The following NRG1 variants were observed in gnomAD, a reference collection of about 807,000 sequenced individuals.
NRG1 encodes pro-neuregulin-1, membrane-bound isoform.
In NRG1, 18 loss-of-function variants were observed where a neutral mutation model predicts 63.8. The ratio of observed to expected loss-of-function variants is 0.28; its 90% CI spans 0.19 to 0.42. The LOEUF (loss-of-function observed/expected upper bound fraction) is 0.42, where lower values mean the gene tolerates loss of function less well. Among genes scored for constraint, NRG1 ranks in the 10% least tolerant of loss-of-function variants. NRG1 has a pLI of 1.00. For missense variants in NRG1, 762 were observed against 814.7 expected (o/e 0.94, Z 0.79); for synonymous variants, 302 against 301.3 (o/e 1.00, Z -0.02).
chr8:32,397,210 A>G (rs981085579), intron 1 of NRG1, among the ~76,000 whole-genome samples: 4 of 152,138 alleles, frequency 2.6e-5, no homozygotes, highest in Non-Finnish European at 5.9e-5. Flanking sequence ...TATTTTCTCT[A>G]TTATTTTAGT....
At chr8:31,826,428 C>T (rs1358827666) in intron 1 of NRG1, among the ~76,000 whole-genome samples, 2 of 152,202 alleles carry the variant, frequency 1.3e-5, no homozygotes, top group Non-Finnish European at 2.9e-5. Flanking sequence ...AGTTCCCCTA[C>T]ACATGCTCCC....
intron 1 of NRG1, among the ~76,000 whole-genome samples, chr8:31,888,551 G>T (rs985511282): frequency 6.6e-6 from 1 of 151,914 alleles, no homozygotes; most frequent in African/African-American, 2.4e-5. Context: ...GTTCAGAATT[G>T]TCTTCTCTTG....
At position 31,839,811 on chromosome 8, in the gene NRG1, C is replaced by T. The variant is rs538283909; in HGVS notation, c.37+200380C>T. Reference sequence around the variant, plus strand: ...CTGCCTCTGGCTAGTCATTTCCACTCGCTGGGCTCAGTCAGGTCTTTCATT... The same window carrying T: ...CTGCCTCTGGCTAGTCATTTCCACTTGCTGGGCTCAGTCAGGTCTTTCATT... On this transcript the variant is annotated intron_variant, in intron 1 of 10. Coordinates refer to the NRG1 transcript ENST00000519301. 1.8e-4 allele frequency among the ~76,000 whole-genome samples: 27 copies of T among 152,250 alleles called. No individual in the cohort carries two copies. In the South Asian group the frequency reaches 5.6e-3, roughly 32 times the overall value.
At chr8:32,109,111 TAA>T (rs953601077) in intron 1 of NRG1, among the ~76,000 whole-genome samples, 3 of 152,156 alleles carry the variant, frequency 2.0e-5, no homozygotes, top group African/African-American at 7.2e-5. Flanking sequence ...GAATTATACT[TAA>T]GTGTCTGCCA....
At chr8:32,077,629 G>A (rs1358103109) in intron 1 of NRG1, among the ~76,000 whole-genome samples, 1 of 152,012 alleles carries the variant, frequency 6.6e-6, no homozygotes, top group Non-Finnish European at 1.5e-5. Flanking sequence ...ATGTAATTAC[G>A]ATAGAAACTG....
At chr8:32,031,541 C>G (rs182284122) in intron 1 of NRG1, among the ~76,000 whole-genome samples, 6 of 152,196 alleles carry the variant, frequency 3.9e-5, no homozygotes, top group Admixed American at 1.3e-4. Flanking sequence ...TCTCTGTGGT[C>G]TATTTTATGG....
At chr8:32,052,046 G>C (rs1355900085) in intron 1 of NRG1, among the ~76,000 whole-genome samples, 1 of 152,076 alleles carries the variant, frequency 6.6e-6, no homozygotes, top group Non-Finnish European at 1.5e-5. Flanking sequence ...AGGAAGAGCA[G>C]TTATTATCAA....
In NRG1 at chr8:32,271,338, A is replaced by C. The variant is rs1322353482; in HGVS notation, c.38-324490A>C. ...AGAGTAAATTATTTAAGAATGATTT[A>C]AGAAATCAAAGTATGAGAACTTGGG... On this transcript the variant is annotated intron_variant, in intron 1 of 10. Transcript: ENST00000519301. Among the ~76,000 whole-genome samples, 6 of 152,322 alleles carry C rather than the reference A, an allele frequency of 3.9e-5. No homozygotes were observed. In the East Asian group the frequency reaches 1.2e-3, roughly 29 times the overall value.
At chr8:31,872,466 T>C (rs1048319583) in intron 1 of NRG1, among the ~76,000 whole-genome samples, 1 of 152,196 alleles carries the variant, frequency 6.6e-6, no homozygotes, top group Non-Finnish European at 1.5e-5. Flanking sequence ...TAAAAGTTTT[T>C]CATTTTCCTG....
intron 1 of NRG1, among the ~76,000 whole-genome samples, chr8:32,257,184 C>T (rs1045238039): frequency 2.0e-4 from 30 of 152,244 alleles, no homozygotes; most frequent in African/African-American, 7.0e-4. Context: ...ATGCTGGCAG[C>T]GAGAATTTCA....
intron 1 of NRG1, among the ~76,000 whole-genome samples, chr8:32,437,968 T>G (rs1475824340): frequency 6.6e-6 from 1 of 152,182 alleles, no homozygotes; most frequent in East Asian, 1.9e-4. Flanking sequence ...AAGTAATTTT[T>G]TATTAAACTT....
chr8:32,722,068 T>C, intron 5 of NRG1: 17 of 1,495,178 alleles, frequency 1.1e-5, no homozygotes, highest in Non-Finnish European at 1.5e-5. Flanking sequence ...ATCTGTAATT[T>C]TGTAGTGACT....
intron 5 of NRG1, among the ~76,000 whole-genome samples, chr8:32,669,174 G>A (rs943521725): frequency 3.3e-5 from 5 of 152,228 alleles, no homozygotes; most frequent in Non-Finnish European, 5.9e-5. Flanking sequence ...CATTCATGAT[G>A]AGCATGGGAT....
chr8:31,640,562 T>C lies in NRG1; in HGVS notation c.37+1131T>C, dbSNP rs1224550899. On this transcript the variant is annotated intron_variant, in intron 1 of 10. Coordinates refer to the NRG1 transcript ENST00000519301. The surrounding 1 kb of genome is among the most constrained non-coding windows in gnomAD (Gnocchi z 6.3). The stretch of plus-strand genomic sequence containing the variant: ...CTGGGGACCTGGGGCCACCCCGCCT[T>C]CCCCTCCTGCGGGAGGCTCAAGGAG... 1.9e-6 allele frequency: 3 copies of C among 1,611,542 alleles called. No individual in the cohort carries two copies. Among genetic ancestry groups the C allele is most frequent in the Non-Finnish European group, 2.5e-6 (3 of 1,179,352 alleles).
At chr8:32,492,799 T>G (rs1392401669) in intron 1 of NRG1, among the ~76,000 whole-genome samples, 1 of 152,154 alleles carries the variant, frequency 6.6e-6, no homozygotes, top group African/African-American at 2.4e-5. Context: ...TCTGTCCCAG[T>G]CTAGGCAGTT....
chr8:32,741,936 A>G, intron 6 of NRG1, 72 bp from the exon 7 acceptor site: 1 of 1,092,046 alleles, frequency 9.2e-7, no homozygotes, highest in Non-Finnish European at 1.4e-6. Context: ...ATTCCATAGG[A>G]GGAAAATTGC....
At chr8:31,748,024 C>A (rs149238355) in intron 1 of NRG1, among the ~76,000 whole-genome samples, 184 of 152,036 alleles carry the variant, frequency 1.2e-3, no homozygotes, top group African/African-American at 4.1e-3. Context: ...GCAAGGTCAA[C>A]TTTTAACCAT....
At chr8:31,802,759 G>A (rs536076844) in intron 1 of NRG1, among the ~76,000 whole-genome samples, 3 of 152,262 alleles carry the variant, frequency 2.0e-5, no homozygotes, top group Non-Finnish European at 4.4e-5. Context: ...TGGAAAAATA[G>A]CATTTGAGTG....
intron 1 of NRG1, among the ~76,000 whole-genome samples, chr8:32,511,331 ATG>A (rs1225559810): frequency 4.9e-5 from 7 of 143,440 alleles, no homozygotes; most frequent in East Asian, 2.0e-4. Flanking sequence ...ATACATATAT[ATG>A]TGTGTGTGTG....
Sources: allele counts gnomAD v4.1 joint callset (sites outside exome capture counted in the v4.1 genomes callset), GRCh38; gene constraint gnomAD v4.1.1; non-coding constraint Gnocchi (gnomAD v3.1); transcripts MANE v1.5; gene names NCBI Gene and HGNC (gene_info 2026-07-23, HGNC 2026-07-21).